ARHGAP10: variants seen among roughly 807,000 people sequenced by gnomAD.
ARHGAP10 encodes the protein Rho GTPase activating protein 10.
Under a neutral mutation model 108.6 loss-of-function variants are expected in ARHGAP10, and 87 were observed. The observed-to-expected ratio is 0.80, with a 90% CI of 0.67 to 0.96. ARHGAP10 has a LOEUF of 0.96. Among genes scored for constraint, ARHGAP10 ranks in the 40% least tolerant of loss-of-function variants. The pLI, the probability that ARHGAP10 is intolerant of heterozygous loss-of-function variation, is 0.00. For synonymous variants in ARHGAP10, 347 were observed against 341.1 expected (o/e 1.02, Z -0.19); for missense variants, 939 against 954.5 (o/e 0.98, Z 0.21).
chr4:147,791,539 C>T lies in ARHGAP10; in HGVS notation c.155-31188C>T, dbSNP rs577469502. Among the ~76,000 whole-genome samples, 146 of 151,934 alleles carry T rather than the reference C, an allele frequency of 9.6e-4. 1 individual carries two copies. Among genetic ancestry groups the T allele is most frequent in the African/African-American group, 2.7e-3 (110 of 41,434 alleles). On this transcript the variant is annotated intron_variant, in intron 1 of 22. Coordinates refer to ENST00000336498, the MANE Select transcript of ARHGAP10 (RefSeq NM_024605.4). ...GTTATTCCGTGTGTGTGTGTGCGCG[C>T]GCGTGCGTGCGCGCGTGTATATATA...
At chr4:148,054,973 G>A (rs1367397314) in intron 20 of ARHGAP10, among the ~76,000 whole-genome samples, 1 of 152,192 alleles carries the variant, frequency 6.6e-6, no homozygotes, top group Non-Finnish European at 1.5e-5. Flanking sequence ...CTGCAGGACA[G>A]TAACCTTCAG....
At chr4:148,002,410 A>G (rs572322219) in intron 18 of ARHGAP10, among the ~76,000 whole-genome samples, 5 of 152,298 alleles carry the variant, frequency 3.3e-5, no homozygotes, top group East Asian at 3.9e-4. Flanking sequence ...TTTGGTATCA[A>G]GATGATGCTG....
intron 16 of ARHGAP10, among the ~76,000 whole-genome samples, chr4:147,962,753 T>C (rs1015031450): frequency 5.9e-5 from 9 of 152,194 alleles, no homozygotes; most frequent in Non-Finnish European, 1.2e-4. Context: ...AACCTCCGCC[T>C]CCTGGGTTCA....
chr4:148,053,948 C>T (rs1729254683), intron 20 of ARHGAP10, among the ~76,000 whole-genome samples: 1 of 152,226 alleles, frequency 6.6e-6, no homozygotes, highest in Non-Finnish European at 1.5e-5. Context: ...AACTTTAAAG[C>T]CCTACCATGA....
At chr4:147,918,509 A>G (rs1033828591) in intron 13 of ARHGAP10, among the ~76,000 whole-genome samples, 19 of 152,322 alleles carry the variant, frequency 1.2e-4, no homozygotes, top group East Asian at 3.9e-4. Context: ...CATTTTGCCA[A>G]TTGAAATCAT....
At chr4:148,063,875 C>A (rs1011435288) in intron 21 of ARHGAP10, among the ~76,000 whole-genome samples, 1 of 152,210 alleles carries the variant, frequency 6.6e-6, no homozygotes, top group African/African-American at 2.4e-5. Flanking sequence ...TGGTGAGAAG[C>A]TGGGCCTGGT....
intron 1 of ARHGAP10, among the ~76,000 whole-genome samples, chr4:147,746,190 G>C (rs1437033000): frequency 6.6e-6 from 1 of 150,786 alleles, no homozygotes; most frequent in Admixed American, 6.6e-5. Context: ...TGCATCCTCT[G>C]CCTCCGGGGT....
intron 14 of ARHGAP10, among the ~76,000 whole-genome samples, chr4:147,940,633 C>T (rs988255162): frequency 6.6e-6 from 1 of 152,184 alleles, no homozygotes; most frequent in Admixed American, 6.5e-5. Flanking sequence ...TCATTATGAT[C>T]TTGCTACATA....
chr4:147,758,900 TC>T (rs1453115288), intron 1 of ARHGAP10, among the ~76,000 whole-genome samples: 2 of 150,188 alleles, frequency 1.3e-5, no homozygotes, highest in African/African-American at 2.5e-5. Context: ...AATTCCTTGT[TC>T]CTGGGAGGAG....
chr4:148,042,681 C>G (rs925572742), intron 19 of ARHGAP10, among the ~76,000 whole-genome samples: 1 of 152,176 alleles, frequency 6.6e-6, no homozygotes, highest in African/African-American at 2.4e-5. Context: ...CCTTGTTTGT[C>G]TTTGCCTGTC....
intron 1 of ARHGAP10, among the ~76,000 whole-genome samples, chr4:147,736,836 C>T (rs1299049288): frequency 1.3e-5 from 2 of 152,158 alleles, no homozygotes; most frequent in Non-Finnish European, 2.9e-5. Context: ...GAGGTTGTAT[C>T]CCAGTTCTGA....
At chr4:148,057,687 T>A (rs1219823283) in intron 20 of ARHGAP10, among the ~76,000 whole-genome samples, 2 of 152,204 alleles carry the variant, frequency 1.3e-5, no homozygotes, top group Non-Finnish European at 2.9e-5. Context: ...CTCCTGGCTA[T>A]CCCCATGGTT....
At chr4:147,780,807 C>G (rs1730499184) in intron 1 of ARHGAP10, among the ~76,000 whole-genome samples, 1 of 152,086 alleles carries the variant, frequency 6.6e-6, no homozygotes, top group African/African-American at 2.4e-5. Flanking sequence ...GAGCAGGTAC[C>G]TAAAGGAGTG....
rs547423827 is a variant in ARHGAP10 at position 148,067,159 on chromosome 4, G to A, written c.2272+2652G>A. ...GTGAGCTACTTGTCTTGTAGGTGCC[G>A]CCCTGATTCTTTTGCAGCAGGGCAG... On this transcript the variant is annotated intron_variant, in intron 22 of 22. Transcript: ENST00000336498. Among the ~76,000 whole-genome samples the A allele has an allele frequency of 9.2e-5, 14 of 152,316 alleles. No individual in the cohort carries two copies. In the South Asian group the frequency reaches 1.5e-3, roughly 16 times the overall value.
chr4:148,026,116 C>A (rs1741755384), intron 19 of ARHGAP10, among the ~76,000 whole-genome samples: 1 of 152,080 alleles, frequency 6.6e-6, no homozygotes, highest in Non-Finnish European at 1.5e-5. Flanking sequence ...GTTCTTCAGG[C>A]CTATGATTTG....
At chr4:147,976,742 A>G (rs1018710034) in intron 18 of ARHGAP10, among the ~76,000 whole-genome samples, 4 of 152,288 alleles carry the variant, frequency 2.6e-5, no homozygotes, top group East Asian at 3.9e-4. Context: ...GTGGCTCTGT[A>G]AATGGTAGAT....
chr4:148,023,471 T>C (rs1271282173), intron 19 of ARHGAP10, 58 bp downstream of exon 19: 4 of 1,555,924 alleles, frequency 2.6e-6, no homozygotes, highest in Non-Finnish European at 3.5e-6. Flanking sequence ...GCGTATCATA[T>C]GTCGTCAGGG....
intron 18 of ARHGAP10, among the ~76,000 whole-genome samples, chr4:148,015,051 C>T (rs1741297919): frequency 6.6e-6 from 1 of 152,148 alleles, no homozygotes; most frequent in Non-Finnish European, 1.5e-5. Context: ...CTTATTCCCT[C>T]TCTTTTCTCC....
At chr4:147,832,458 C>T (rs967953223) in intron 3 of ARHGAP10, among the ~76,000 whole-genome samples, 5 of 151,222 alleles carry the variant, frequency 3.3e-5, no homozygotes, top group African/African-American at 1.2e-4. Flanking sequence ...ACCATCCTGA[C>T]CAATGTGGTG....
Sources: allele counts gnomAD v4.1 joint callset (sites outside exome capture counted in the v4.1 genomes callset), GRCh38; gene constraint gnomAD v4.1.1; transcripts MANE v1.5; gene names NCBI Gene and HGNC (gene_info 2026-07-23, HGNC 2026-07-21).